CMPK2: variants seen among roughly 807,000 people sequenced by gnomAD.
The protein encoded by CMPK2 is UMP-CMP kinase 2, mitochondrial.
In CMPK2, 32 loss-of-function variants were observed where a neutral mutation model predicts 33.4. The observed-to-expected ratio is 0.96, with a 90% CI of 0.72 to 1.29. The LOEUF (loss-of-function observed/expected upper bound fraction) is 1.29. Ranked by LOEUF, CMPK2 falls within the 50% of genes most tolerant of loss-of-function variation. The pLI is 0.00. For synonymous variants in CMPK2, 299 were observed against 275.3 expected (o/e 1.09, Z -0.85); for missense variants, 672 against 616.0 (o/e 1.09, Z -0.96).
chr2:6,865,136 C>T lies in CMPK2; in HGVS notation c.561G>A (p.Val187=). The change falls in exon 1 of 5, where the codon GTG becomes GTA. Residue 187 remains valine (V), a synonymous_variant. Transcript: ENST00000256722. ...GGACGGGCACGACCTGTGCGCAGCC[C>T]ACCTGCAGCCGCCTGCCGTCTTGCA... ...WEVQDGRRLQ[V]GCAQVVPVPE... The T allele has an allele frequency of 6.6e-7, 1 of 1,525,568 alleles. No individual in the cohort carries two copies. Among genetic ancestry groups the T allele is most frequent in the Non-Finnish European group, 8.8e-7 (1 of 1,137,518 alleles). 94.5% of individuals were successfully genotyped at this position (1,525,568 alleles called of 1,614,324 possible).
chr2:6,863,948 G>A (rs550874455), intron 1 of CMPK2, among the ~76,000 whole-genome samples: 13 of 152,210 alleles, frequency 8.5e-5, no homozygotes, highest in Non-Finnish European at 1.5e-4. Flanking sequence ...CTGCACAGTG[G>A]GCTGGAGAGA....
Position 6,849,837 on chromosome 2 carries a change from C to G in CMPK2, c.*13G>C. 6.2e-7 allele frequency: 1 copy of G among 1,613,652 alleles called. No homozygotes were observed. Among genetic ancestry groups the G allele is most frequent in the Non-Finnish European group, 8.5e-7 (1 of 1,179,848 alleles). On this transcript the variant is annotated 3_prime_UTR_variant, in exon 5 of 5. Transcript: ENST00000256722. ...CATCTAATCTAGTTAGACGTGGCAC[C>G]TGGCCAGAGTAACTACGGTTCACTA... is the stretch of plus-strand genomic sequence containing the variant.
At position 6,851,583 on chromosome 2, in the gene CMPK2, C is replaced by T. The variant is rs758107640; in HGVS notation, c.1093G>A (p.Asp365Asn). 3.7e-6 allele frequency: 6 copies of T among 1,614,194 alleles called. No homozygotes were observed. Among genetic ancestry groups the T allele is most frequent in the South Asian group, 2.2e-5 (2 of 91,074 alleles). ...AHHPVYQWPE[D>N]LLKPDLILLL... ...AGGATAAGGTCAGGTTTGAGCAGGT[C>T]CTCTGGCCACTGGTACACAGGGTGA... Residue 365 changes from aspartate to asparagine, a missense_variant, in exon 4 of 5, where the codon GAC (aspartate) becomes AAC (asparagine). Coordinates refer to ENST00000256722, the MANE Select transcript of CMPK2 (RefSeq NM_207315.4).
exon 4 of CMPK2, chr2:6,840,576 C>T (rs1477706925): frequency 1.4e-6 from 1 of 702,110 alleles, no homozygotes; most frequent in African/African-American, 1.7e-5. Flanking sequence ...GGGGTCATTC[C>T]AGGCCTTGAC....
In CMPK2 at chr2:6,852,414, A is replaced by C. The variant is rs117869388; in HGVS notation, c.993-731T>G. On this transcript the variant is annotated intron_variant, in intron 3 of 4. Coordinates refer to ENST00000256722, the MANE Select transcript of CMPK2 (RefSeq NM_207315.4). ...AGGAAATGCTTGGTCTTCTGGTAAG[A>C]CACAGAACATCCCTCCTAGTCTGCA... Among the ~76,000 whole-genome samples the C allele has an allele frequency of 1.1e-3, 172 of 152,332 alleles. 4 individuals are homozygous for C. The East Asian group carries it at 0.031, about 28-fold the overall frequency.
At chr2:6,841,420 A>G (rs972008809) in intron 3 of CMPK2, among the ~76,000 whole-genome samples, 1 of 152,156 alleles carries the variant, frequency 6.6e-6, no homozygotes, top group African/African-American at 2.4e-5. Flanking sequence ...AGATCTTATA[A>G]GCATTAACAA....
Position 6,865,144 on chromosome 2 carries a change from G to A in CMPK2, c.553C>T (p.Leu185=), listed in dbSNP as rs1175635408. ...ACGACCTGTGCGCAGCCCACCTGCA[G>A]CCGCCTGCCGTCTTGCACCTCCCAG... The part of the protein sequence containing the change: ...RLWEVQDGRR[L]QVGCAQVVPV... Residue 185 remains leucine, a synonymous_variant, in exon 1 of 5, where the codon CTG becomes TTG. Transcript: ENST00000256722. The A allele has an allele frequency of 6.5e-7, 1 of 1,528,168 alleles. No homozygotes were observed. The highest frequency in any genetic ancestry group is 1.2e-5 in the South Asian group (1 of 82,020). The allele number at this position is 1,528,168 out of a possible 1,614,324, so 94.7% of individuals were successfully genotyped here.
intron 3 of CMPK2, among the ~76,000 whole-genome samples, chr2:6,856,716 ATCTC>A (rs1662713352): frequency 6.6e-6 from 1 of 152,122 alleles, no homozygotes; most frequent in African/African-American, 2.4e-5. Context: ...ACATCCTTTC[ATCTC>A]TCTACTCTTT....
chr2:6,858,288 G>A (rs1458019780), intron 3 of CMPK2, among the ~76,000 whole-genome samples: 1 of 151,780 alleles, frequency 6.6e-6, no homozygotes, highest in African/African-American at 2.4e-5. Flanking sequence ...CTAGTGGAGG[G>A]TTAGCCGTTT....
intron 3 of CMPK2, among the ~76,000 whole-genome samples, chr2:6,856,720 C>G (rs1194017031): frequency 6.6e-6 from 1 of 152,202 alleles, no homozygotes; most frequent in African/African-American, 2.4e-5. Context: ...CCTTTCATCT[C>G]TCTACTCTTT....
chr2:6,850,752 T>A lies in CMPK2; in HGVS notation c.1226+698A>T, dbSNP rs1268159853. 3.5e-5 allele frequency: 34 copies of A among 984,466 alleles called. 1 individual carries two copies. In the South Asian group the frequency reaches 7.5e-4, roughly 22 times the overall value. 61.0% of individuals were successfully genotyped at this position (984,466 alleles called of 1,614,324 possible). A position where few individuals can be genotyped will look rare whatever the true frequency, so the allele number is the denominator to read the frequency against. On this transcript the variant is annotated intron_variant, in intron 4 of 4. Transcript: ENST00000256722. ...GCTACCATTATTTATAACATTACTA[T>A]GTTATGATAACAGGGCTATCATTGT... is the stretch of plus-strand genomic sequence containing the variant.
intron 3 of CMPK2, among the ~76,000 whole-genome samples, chr2:6,841,590 A>G: frequency 6.6e-6 from 1 of 152,134 alleles, no homozygotes; most frequent in Non-Finnish European, 1.5e-5. Context: ...GATTGTAACC[A>G]TCCTGAGGGC....
intron 3 of CMPK2, among the ~76,000 whole-genome samples, chr2:6,855,346 T>A (rs549906142): frequency 6.7e-6 from 1 of 150,232 alleles, no homozygotes; most frequent in East Asian, 2.0e-4. Context: ...CCCCTGCCTC[T>A]CTCTCTCTCT....
Position 6,850,749 on chromosome 2 carries a change from C to T in CMPK2, c.1226+701G>A, listed in dbSNP as rs925936926. On this transcript the variant is annotated intron_variant, in intron 4 of 4. Coordinates refer to ENST00000256722, the MANE Select transcript of CMPK2 (RefSeq NM_207315.4). ...GCAGCTACCATTATTTATAACATTA[C>T]TATGTTATGATAACAGGGCTATCAT... is the stretch of plus-strand genomic sequence containing the variant. 5.1e-6 allele frequency: 5 copies of T among 982,062 alleles called. No homozygotes were observed. In the African/African-American group the frequency reaches 8.7e-5, roughly 17 times the overall value. The allele number at this position is 982,062 out of a possible 1,614,324, so 60.8% of individuals were successfully genotyped here. A position where few individuals can be genotyped will look rare whatever the true frequency, so the allele number is the denominator to read the frequency against.
intron 3 of CMPK2, among the ~76,000 whole-genome samples, chr2:6,843,169 G>A (rs1662273420): frequency 6.6e-6 from 1 of 152,214 alleles, no homozygotes; most frequent in African/African-American, 2.4e-5. Flanking sequence ...CCTGATTGGA[G>A]GGATCCTCTA....
intron 4 of CMPK2, 116 bp from the exon 5 acceptor site, chr2:6,850,089 C>T: frequency 4.3e-6 from 3 of 703,256 alleles, no homozygotes; most frequent in Non-Finnish European, 2.4e-6. Context: ...TGTCATTTAT[C>T]TCACTGTAAC....
Position 6,865,731 on chromosome 2 carries a change from C to A in CMPK2, c.-35G>T. 7.8e-7 allele frequency: 1 copy of A among 1,278,350 alleles called. No homozygotes were observed. Among genetic ancestry groups the A allele is most frequent in the Non-Finnish European group, 9.9e-7 (1 of 1,013,770 alleles). The allele number at this position is 1,278,350 out of a possible 1,614,324, so 79.2% of individuals were successfully genotyped here. On this transcript the variant is annotated 5_prime_UTR_variant, in exon 1 of 5. Coordinates refer to ENST00000256722, the MANE Select transcript of CMPK2 (RefSeq NM_207315.4). ...AGCGACGCCGCCCTCGGCCCCGCCT[C>A]GGAAACGAAACCTGGCGGGAGCCAG...
chr2:6,847,332 G>A (rs530102466), downstream of CMPK2, among the ~76,000 whole-genome samples: 13 of 152,268 alleles, frequency 8.5e-5, no homozygotes, highest in South Asian at 2.1e-4. Context: ...CTGTGCCCAC[G>A]CCCACAAAAG....
At chr2:6,866,421 C>G (rs1340041928), upstream of CMPK2, 2 of 984,368 alleles carry the variant, frequency 2.0e-6, no homozygotes, top group Admixed American at 6.1e-5. Flanking sequence ...TTTGCACACA[C>G]TCACCTGTGC....
Sources: gnomAD v4.1 joint callset for allele counts (sites outside exome capture counted in the v4.1 genomes callset) on GRCh38, gnomAD v4.1.1 for gene constraint, MANE v1.5 for transcripts, NCBI Gene and HGNC (gene_info 2026-07-23, HGNC 2026-07-21) for gene names.